The following METTL15 variants were observed in gnomAD, a reference collection of about 807,000 sequenced individuals.
The protein encoded by METTL15 is methyltransferase 15, mitochondrial 12S rRNA N4-cytidine.
In METTL15, 34 loss-of-function variants were observed where a neutral mutation model predicts 38.3. The observed-to-expected ratio is 0.89, with a 90% CI of 0.68 to 1.18. METTL15 has a LOEUF of 1.18. METTL15 is among the 50% of genes most tolerant of loss of function. METTL15 has a pLI of 0.00. For synonymous variants in METTL15, 162 were observed against 170.9 expected, an observed-to-expected ratio of 0.95 and a Z score of 0.41; for missense variants, 438 against 498.4, an observed-to-expected ratio of 0.88 and a Z score of 1.15.
At chr11:28,120,534 A>C (rs968585082) in intron 3 of METTL15, among the ~76,000 whole-genome samples, 1 of 151,974 alleles carries the variant, frequency 6.6e-6, no homozygotes, top group African/African-American at 2.4e-5. Context: ...TGAATTAAAA[A>C]AAAACAAAAA....
At chr11:28,520,700 A>G (rs1851757991) in intron 6 of METTL15, among the ~76,000 whole-genome samples, 1 of 152,224 alleles carries the variant, frequency 6.6e-6, no homozygotes, top group South Asian at 2.1e-4. Flanking sequence ...ATAAAATTTC[A>G]GGTTAGTTTA....
At chr11:28,163,468 T>C in intron 3 of METTL15, 1 of 398,098 alleles carries the variant, frequency 2.5e-6, no homozygotes, top group Non-Finnish European at 4.4e-6. Context: ...TCTCTCCCCA[T>C]GCTGTTACTC....
intron 6 of METTL15, among the ~76,000 whole-genome samples, chr11:28,522,881 C>T (rs935741430): frequency 6.6e-6 from 1 of 152,206 alleles, no homozygotes; most frequent in Non-Finnish European, 1.5e-5. Context: ...ACCAAATCAT[C>T]ATTTGTTTAT....
Position 28,506,576 on chromosome 11 carries a change from T to C in METTL15, c.*425-19902T>C, listed in dbSNP as rs1375849937. On this transcript the variant is annotated intron_variant and NMD_transcript_variant, in intron 6 of 7. Coordinates refer to the METTL15 transcript ENST00000532947. ...CAATATTTATGCCTAACCCAAACTT[T>C]GGTCTTAGGGTATATCTTGTCATAT... Among the ~76,000 whole-genome samples the C allele has an allele frequency of 2.0e-5, 3 of 152,152 alleles. No individual in the cohort carries two copies. In the East Asian group the frequency reaches 5.8e-4, roughly 29 times the overall value.
At chr11:28,180,901 G>A (rs1302534717) in intron 3 of METTL15, among the ~76,000 whole-genome samples, 1 of 151,692 alleles carries the variant, frequency 6.6e-6, no homozygotes, top group African/African-American at 2.4e-5. Flanking sequence ...GTTATTGTTG[G>A]TAAAGAGAGT....
At chr11:28,283,687 C>G (rs1480762444) in intron 4 of METTL15, among the ~76,000 whole-genome samples, 1 of 152,112 alleles carries the variant, frequency 6.6e-6, no homozygotes, top group Non-Finnish European at 1.5e-5. Context: ...AGTCAGAGAA[C>G]CTCAGAAATG....
chr11:28,273,070 ATC>A (rs1344130830), intron 4 of METTL15, among the ~76,000 whole-genome samples: 1 of 152,196 alleles, frequency 6.6e-6, no homozygotes, highest in Non-Finnish European at 1.5e-5. Context: ...AAATATGATC[ATC>A]TCTGTTAAAA....
intron 5 of METTL15, among the ~76,000 whole-genome samples, chr11:28,413,672 CTT>C (rs1342951355): frequency 6.6e-6 from 1 of 152,124 alleles, no homozygotes; most frequent in East Asian, 1.9e-4. Flanking sequence ...GGCAATGTCT[CTT>C]AGCTATTCTA....
rs545029665 is a variant in METTL15, at chr11:28,130,316, A to C, written c.270+16712A>C. Among the ~76,000 whole-genome samples, 12 of 152,184 alleles carry C rather than the reference A, an allele frequency of 7.9e-5. No individual in the cohort carries two copies. In the South Asian group the frequency reaches 1.2e-3, roughly 16 times the overall value. Reference sequence around the variant, plus strand: ...ACAGAGTGAGACCTGGTCTCAAAAAACCAACAAAAACCAACACACCTTCTT... The same window carrying C: ...ACAGAGTGAGACCTGGTCTCAAAAACCCAACAAAAACCAACACACCTTCTT... On this transcript the variant is annotated intron_variant, in intron 3 of 6. Transcript: ENST00000407364.
At chr11:28,245,500 A>G (rs951521966) in intron 4 of METTL15, among the ~76,000 whole-genome samples, 1 of 152,148 alleles carries the variant, frequency 6.6e-6, no homozygotes, top group African/African-American at 2.4e-5. Flanking sequence ...TGAAAAAAAA[A>G]GTATCACATG....
chr11:28,267,583 G>C (rs1317207888), intron 4 of METTL15, among the ~76,000 whole-genome samples: 2 of 152,174 alleles, frequency 1.3e-5, no homozygotes, highest in Non-Finnish European at 2.9e-5. Context: ...TCAGCTCCAT[G>C]AGGGTAGAAC....
intron 2 of METTL15, among the ~76,000 whole-genome samples, chr11:28,112,528 C>A (rs1174171943): frequency 6.6e-6 from 1 of 152,022 alleles, no homozygotes. Flanking sequence ...TACATAAATC[C>A]TTTTTTTCTT....
chr11:28,205,671 G>A (rs1852304551), intron 3 of METTL15, among the ~76,000 whole-genome samples: 2 of 151,678 alleles, frequency 1.3e-5, no homozygotes, highest in South Asian at 4.2e-4. Context: ...AGATCCCTGA[G>A]GAATCGCCAC....
chr11:28,289,781 T>A (rs1034066154), intron 4 of METTL15, among the ~76,000 whole-genome samples: 3 of 152,162 alleles, frequency 2.0e-5, no homozygotes, highest in Admixed American at 6.6e-5. Context: ...TTGAACATAT[T>A]TGACATCTTT....
chr11:28,365,789 C>G (rs947561322), intron 5 of METTL15, among the ~76,000 whole-genome samples: 2 of 152,076 alleles, frequency 1.3e-5, no homozygotes, highest in East Asian at 3.9e-4. Flanking sequence ...GGCTCATGAG[C>G]GCCTGTAATC....
intron 6 of METTL15, chr11:28,424,454 T>C (rs1454705309): frequency 6.6e-6 from 1 of 152,160 alleles, no homozygotes; most frequent in African/African-American, 2.4e-5. Context: ...CAGATACATA[T>C]GACAAAGACA....
chr11:28,363,240 C>T (rs1013488446), intron 5 of METTL15, among the ~76,000 whole-genome samples: 2 of 152,084 alleles, frequency 1.3e-5, no homozygotes, highest in Non-Finnish European at 2.9e-5. Context: ...GTGGTGCGAT[C>T]TTAGCTCACT....
At position 28,385,803 on chromosome 11, in the gene METTL15, C is replaced by G. The variant is rs183061879; in HGVS notation, c.*358+23767C>G. Among the ~76,000 whole-genome samples, 14 of 151,536 alleles carry G rather than the reference C, an allele frequency of 9.2e-5. No homozygotes were observed. The East Asian group carries it at 2.5e-3, about 27-fold the overall frequency. Reference sequence around the variant, plus strand: ...GCATTACATGTTTGTTTTTAATTTTCTGTGTGTGTGTGTGAGGGGATAGGG... The same window carrying G: ...GCATTACATGTTTGTTTTTAATTTTGTGTGTGTGTGTGTGAGGGGATAGGG... On this transcript the variant is annotated intron_variant and NMD_transcript_variant, in intron 5 of 7. Transcript: ENST00000532947.
At chr11:28,125,725 A>C (rs1852451223) in intron 3 of METTL15, 1 of 152,104 alleles carries the variant, frequency 6.6e-6, no homozygotes, top group Admixed American at 6.6e-5. Context: ...ATGATTGCGT[A>C]TTCCAGGTAC....
Sources: gnomAD v4.1 joint callset for allele counts (sites outside exome capture counted in the v4.1 genomes callset) on GRCh38, gnomAD v4.1.1 for gene constraint, MANE v1.5 for transcripts, NCBI Gene and HGNC (gene_info 2026-07-23, HGNC 2026-07-21) for gene names.